MICOS10: variants seen among roughly 807,000 people sequenced by gnomAD.
The protein encoded by MICOS10 is mitochondrial contact site and cristae organizing system subunit 10.
Under a neutral mutation model 13.4 loss-of-function variants are expected in MICOS10, and 5 were observed. The observed-to-expected ratio is 0.37, with a 90% CI of 0.20 to 0.78. MICOS10 has a LOEUF of 0.78. Ranked by LOEUF, MICOS10 falls within the 30% of genes least tolerant of loss-of-function variation. The pLI, the probability that MICOS10 is intolerant of heterozygous loss-of-function variation, is 0.47. For missense variants in MICOS10, 101 were observed against 94.6 expected, an observed-to-expected ratio of 1.07 and a Z score of -0.28; for synonymous variants, 35 against 33.6, an observed-to-expected ratio of 1.04 and a Z score of -0.15.
intron 1 of MICOS10, among the ~76,000 whole-genome samples, chr1:19,606,041 G>A (rs2094833333): frequency 6.6e-6 from 1 of 152,166 alleles, no homozygotes. Flanking sequence ...ATAACTCTCT[G>A]GAGTGCTAGG....
chr1:19,597,220 CT>C, intron 1 of MICOS10, 111 bp downstream of exon 1: 11 of 1,195,696 alleles, frequency 9.2e-6, no homozygotes, highest in East Asian at 3.0e-5. Context: ...GCCTCTCGGC[CT>C]TTTCCGGCCC....
At chr1:19,622,249 G>C in intron 2 of MICOS10, 102 bp downstream of exon 2, 1 of 853,442 alleles carries the variant, frequency 1.2e-6, no homozygotes. Context: ...TTTGTGGGTT[G>C]CCAACCCATC....
intron 1 of MICOS10, among the ~76,000 whole-genome samples, chr1:19,617,505 G>A (rs908164027): frequency 1.8e-4 from 28 of 152,102 alleles, no homozygotes; most frequent in Non-Finnish European, 7.4e-5. Context: ...TGGACACCTG[G>A]GACAATCTGT....
At chr1:19,619,992 A>G (rs1300519403) in intron 1 of MICOS10, among the ~76,000 whole-genome samples, 8 of 152,236 alleles carry the variant, frequency 5.3e-5, no homozygotes, top group African/African-American at 1.9e-4. Flanking sequence ...GACAGCATGG[A>G]CTTTTGAGAA....
intron 1 of MICOS10, among the ~76,000 whole-genome samples, chr1:19,603,121 G>T (rs1283448853): frequency 6.6e-6 from 1 of 152,100 alleles, no homozygotes; most frequent in African/African-American, 2.4e-5. Flanking sequence ...CCTGAGGTCA[G>T]GAGTTCGAGA....
intron 1 of MICOS10, among the ~76,000 whole-genome samples, chr1:19,618,278 A>T (rs531906596): frequency 2.9e-4 from 41 of 143,368 alleles, no homozygotes; most frequent in Non-Finnish European, 5.3e-4. Flanking sequence ...GCTGATTTTT[A>T]TTTATTTATT....
At chr1:19,615,686 C>T (rs1279595926) in intron 1 of MICOS10, among the ~76,000 whole-genome samples, 3 of 149,594 alleles carry the variant, frequency 2.0e-5, no homozygotes, top group Non-Finnish European at 1.5e-5. Context: ...GATCCTCCCA[C>T]CTCAGCCCCC....
At chr1:19,606,614 C>T (rs753479897) in intron 1 of MICOS10, among the ~76,000 whole-genome samples, 2 of 151,980 alleles carry the variant, frequency 1.3e-5, no homozygotes, top group African/African-American at 2.4e-5. Flanking sequence ...AGTGTGGTGG[C>T]GCATGCCTGT....
chr1:19,616,861 A>G (rs1173981609), intron 1 of MICOS10, among the ~76,000 whole-genome samples: 9 of 152,176 alleles, frequency 5.9e-5, no homozygotes. Flanking sequence ...CGCTTTGTAG[A>G]TGTTAGTACC....
intron 1 of MICOS10, among the ~76,000 whole-genome samples, chr1:19,600,485 A>T (rs969311339): frequency 7.2e-5 from 11 of 152,140 alleles, no homozygotes; most frequent in African/African-American, 2.7e-4. Flanking sequence ...TTCAAAATGG[A>T]GATGGAGACT....
In MICOS10 at chr1:19,629,202, T is replaced by A. The variant is rs2094931053; in HGVS notation, c.*2801T>A. Reference sequence around the variant, plus strand: ...TAGAAATTCAAGTCCTCTGGGGCCCTGTTCCCTTGTGGGCTTGTGCAACTG... The same window carrying A: ...TAGAAATTCAAGTCCTCTGGGGCCCAGTTCCCTTGTGGGCTTGTGCAACTG... On this transcript the variant is annotated 3_prime_UTR_variant, in exon 4 of 4. Coordinates refer to ENST00000322753, the MANE Select transcript of MICOS10 (RefSeq NM_001032363.4). 1 of 152,242 alleles carries A rather than the reference T, an allele frequency of 6.6e-6. No homozygotes were observed. The highest frequency in any genetic ancestry group is 1.5e-5 in the Non-Finnish European group (1 of 68,048). 9.4% of individuals were successfully genotyped at this position (152,242 alleles called of 1,614,324 possible). A position where few individuals can be genotyped will look rare whatever the true frequency, so the allele number is the denominator to read the frequency against.
intron 1 of MICOS10, chr1:19,608,354 G>A: frequency 7.8e-7 from 1 of 1,281,524 alleles, no homozygotes; most frequent in Non-Finnish European, 1.1e-6. Context: ...CACCCAGGAT[G>A]TGGCCCAGAG....
intron 1 of MICOS10, among the ~76,000 whole-genome samples, chr1:19,607,042 A>G (rs2094837706): frequency 6.6e-6 from 1 of 152,216 alleles, no homozygotes; most frequent in South Asian, 2.1e-4. Flanking sequence ...GTGTTTGCAA[A>G]CTGATACCTC....
chr1:19,626,338 G>T (rs753367386), intron 3 of MICOS10, 49 bp from the exon 4 acceptor site: 1 of 1,613,534 alleles, frequency 6.2e-7, no homozygotes, highest in East Asian at 2.2e-5. Flanking sequence ...AGAGAGGGTT[G>T]TCAGAATGCC....
chr1:19,606,831 T>C (rs2094836778), intron 1 of MICOS10, among the ~76,000 whole-genome samples: 2 of 152,184 alleles, frequency 1.3e-5, no homozygotes, highest in African/African-American at 4.8e-5. Context: ...AACCAGCAGA[T>C]TTTGTGTATT....
At position 19,597,035 on chromosome 1, in the gene MICOS10, G is replaced by T. The variant is rs199791836; in HGVS notation, c.-11G>T. The T allele has an allele frequency of 1.7e-5, 27 of 1,580,846 alleles. No individual in the cohort carries two copies. In the African/African-American group the frequency reaches 2.8e-4, roughly 16 times the overall value. Reference sequence around the variant, plus strand: ...CGGCCGAGAGGAAAGCTGGAGGCGCGGGTGGGGAACATGTCTGAGTCGGAG... The same window carrying T: ...CGGCCGAGAGGAAAGCTGGAGGCGCTGGTGGGGAACATGTCTGAGTCGGAG... On this transcript the variant is annotated 5_prime_UTR_variant, in exon 1 of 4. Coordinates refer to ENST00000322753, the MANE Select transcript of MICOS10 (RefSeq NM_001032363.4).
At chr1:19,608,345 A>G (rs879138861) in intron 1 of MICOS10, 1 of 1,288,352 alleles carries the variant, frequency 7.8e-7, no homozygotes, top group South Asian at 1.2e-5. Context: ...TATGTTGACC[A>G]CCCAGGATGT....
chr1:19,601,976 G>A (rs1442233819), intron 1 of MICOS10, among the ~76,000 whole-genome samples: 1 of 152,094 alleles, frequency 6.6e-6, no homozygotes, highest in African/African-American at 2.4e-5. Context: ...GACATTGATA[G>A]GTCTTTTTTC....
intron 1 of MICOS10, among the ~76,000 whole-genome samples, chr1:19,612,506 T>G (rs1290392240): frequency 6.6e-6 from 1 of 151,848 alleles, no homozygotes; most frequent in Non-Finnish European, 1.5e-5. Context: ...GTGGATCACC[T>G]GAGGTCAGGA....
Sources: allele counts gnomAD v4.1 joint callset (sites outside exome capture counted in the v4.1 genomes callset), GRCh38; gene constraint gnomAD v4.1.1; transcripts MANE v1.5; gene names NCBI Gene and HGNC (gene_info 2026-07-23, HGNC 2026-07-21).